The following AGO2 variants were observed in gnomAD, a reference collection of about 807,000 sequenced individuals.
AGO2 encodes the protein argonaute RISC catalytic component 2, also known as protein argonaute-2.
Under a neutral mutation model 102.3 loss-of-function variants are expected in AGO2, and 5 were observed. The observed-to-expected ratio is 0.05, with a 90% CI of 0.03 to 0.10. The LOEUF (loss-of-function observed/expected upper bound fraction) is 0.10, where lower values mean the gene tolerates loss of function less well. Among genes scored for constraint, AGO2 ranks in the 10% least tolerant of loss-of-function variants. The probability of loss-of-function intolerance (pLI) is 1.00; values close to 1 mark genes in which losing one functional copy is unlikely to be tolerated. For missense variants in AGO2, 541 were observed against 1,183.7 expected, an observed-to-expected ratio of 0.46 and a Z score of 7.97; for synonymous variants, 449 against 473.1, an observed-to-expected ratio of 0.95 and a Z score of 0.66.
chr8:140,559,567 T>C (rs2132938826), intron 5 of AGO2, 38 bp from the exon 6 acceptor site: 1 of 1,545,622 alleles, frequency 6.5e-7, no homozygotes, highest in Non-Finnish European at 8.8e-7. Flanking sequence ...TAAGCATGAC[T>C]GTGGGGCTGC....
chr8:140,611,398 A>G (rs2074077240), intron 1 of AGO2, among the ~76,000 whole-genome samples: 1 of 151,742 alleles, frequency 6.6e-6, no homozygotes, highest in Admixed American at 6.6e-5. Context: ...CACGATCTCA[A>G]TTCACTGCAA....
chr8:140,601,595 T>A (rs1419029385), intron 1 of AGO2, among the ~76,000 whole-genome samples: 1 of 152,222 alleles, frequency 6.6e-6, no homozygotes, highest in East Asian at 1.9e-4. Context: ...CATGGCAGTC[T>A]GGGCTGTCTG....
intron 2 of AGO2, among the ~76,000 whole-genome samples, chr8:140,573,699 G>A (rs1018132260): frequency 2.0e-5 from 3 of 152,350 alleles, no homozygotes; most frequent in Non-Finnish European, 2.9e-5. Context: ...AGGCACTGAC[G>A]AGAAGAACAG....
chr8:140,576,299 G>C (rs2073462185), intron 2 of AGO2, among the ~76,000 whole-genome samples: 1 of 152,222 alleles, frequency 6.6e-6, no homozygotes, highest in South Asian at 2.1e-4. Flanking sequence ...GGGCATGACA[G>C]AGTGAGACTC....
chr8:140,607,139 C>G (rs2074008412), intron 1 of AGO2, among the ~76,000 whole-genome samples: 1 of 152,016 alleles, frequency 6.6e-6, no homozygotes, highest in African/African-American at 2.4e-5. Context: ...ACCGCAGCTA[C>G]TCAGGAGGCT....
At chr8:140,534,318 C>T (rs2072656488) in intron 17 of AGO2, among the ~76,000 whole-genome samples, 1 of 152,200 alleles carries the variant, frequency 6.6e-6, no homozygotes, top group African/African-American at 2.4e-5. Context: ...AAGAGTTTGC[C>T]CAGGAAACAT....
At chr8:140,549,395 C>T (rs2072956980) in intron 11 of AGO2, 97 bp from the exon 12 acceptor site, 1 of 1,277,384 alleles carries the variant, frequency 7.8e-7, no homozygotes, top group Admixed American at 2.8e-5. Flanking sequence ...TTTTACAAAG[C>T]CCAAAGCACT....
At position 140,597,474 on chromosome 8, in the gene AGO2, ACCCCCCCC is replaced by A. The variant is rs1163320106; in HGVS notation, c.23-12171_23-12164del. 6.6e-5 allele frequency among the ~76,000 whole-genome samples: 3 copies of A among 45,220 alleles called. No individual in the cohort carries two copies. In the South Asian group the frequency reaches 2.3e-3, roughly 35 times the overall value. The allele number at this position is 45,220 out of a possible 152,430, so 29.7% of individuals were successfully genotyped here. The stretch of plus-strand genomic sequence containing the variant: ...CCGATGGGGGCTGGGTGGCCCCCCC[ACCCCCCCC>A]CCCCCGCCCCAGGCCTCCCTGCCTG... On this transcript the variant is annotated intron_variant, in intron 1 of 18. Coordinates refer to ENST00000220592, the MANE Select transcript of AGO2 (RefSeq NM_012154.5).
intron 1 of AGO2, among the ~76,000 whole-genome samples, chr8:140,597,413 T>C (rs1245893935): frequency 6.7e-6 from 1 of 150,332 alleles, no homozygotes; most frequent in Non-Finnish European, 1.5e-5. Flanking sequence ...CTGACATTAC[T>C]TTCTCTGACT....
At chr8:140,627,720 C>A (rs866814967) in intron 1 of AGO2, among the ~76,000 whole-genome samples, 1 of 152,174 alleles carries the variant, frequency 6.6e-6, no homozygotes, top group African/African-American at 2.4e-5. Flanking sequence ...CAGTAATCAC[C>A]TTCAGAAGTC....
chr8:140,557,368 C>T lies in AGO2; in HGVS notation c.879-132G>A, dbSNP rs949725903. ...TTCAGAGCACTTCCGGGAGTGAAAA[C>T]CATGTCATGTGCTTTGGGTTATCTG... On this transcript the variant is annotated intron_variant, in intron 7 of 18. Transcript: ENST00000220592. The surrounding 1 kb of genome is among the most constrained non-coding windows in gnomAD (Gnocchi z 5.9). The T allele has an allele frequency of 2.4e-5, 27 of 1,133,608 alleles. No homozygotes were observed. The African/African-American group carries it at 3.6e-4, about 15-fold the overall frequency. The allele number at this position is 1,133,608 out of a possible 1,614,324, so 70.2% of individuals were successfully genotyped here.
intron 18 of AGO2, 100 bp from the exon 19 acceptor site, chr8:140,532,252 GGA>G: frequency 7.1e-7 from 1 of 1,408,588 alleles, no homozygotes; most frequent in Admixed American, 1.7e-5. Context: ...CGGGAACCTG[GGA>G]GAGGGAAGAG....
chr8:140,582,640 A>G (rs1184996111), intron 2 of AGO2, among the ~76,000 whole-genome samples: 1 of 152,242 alleles, frequency 6.6e-6, no homozygotes, highest in Admixed American at 6.5e-5. Context: ...AAATTAATTC[A>G]AGATGGATCG....
In AGO2 at chr8:140,523,439, T is replaced by C. The variant is rs769396622; in HGVS notation, c.*8605A>G. The C allele has an allele frequency of 3.1e-4, 47 of 152,260 alleles. No individual in the cohort carries two copies. Among genetic ancestry groups the C allele is most frequent in the Non-Finnish European group, 4.1e-4 (28 of 68,010 alleles). The allele number at this position is 152,260 out of a possible 1,614,324, so 9.4% of individuals were successfully genotyped here. ...TAGAAAAATTGATAAAACTAAGGGTTAAAAGCCCTCAATATGTATTAGGTA... is the reference window on the plus strand; with the variant it reads ...TAGAAAAATTGATAAAACTAAGGGTCAAAAGCCCTCAATATGTATTAGGTA... On this transcript the variant is annotated 3_prime_UTR_variant, in exon 19 of 19. Transcript: ENST00000220592.
At chr8:140,572,227 C>T (rs2073389663) in intron 3 of AGO2, 2 of 152,246 alleles carry the variant, frequency 1.3e-5, no homozygotes, top group Non-Finnish European at 2.9e-5. Flanking sequence ...AATACACCCC[C>T]TCCCTCCGGG....
chr8:140,593,873 C>CA (rs980753832), intron 1 of AGO2, among the ~76,000 whole-genome samples: 1 of 152,156 alleles, frequency 6.6e-6, no homozygotes, highest in Non-Finnish European at 1.5e-5. Flanking sequence ...GCCACCAAGC[C>CA]ACGCTGCCTT....
rs376456560 is a variant in AGO2, at chr8:140,558,428, C to T, written c.878+57G>A. The T allele has an allele frequency of 7.6e-4, 1,183 of 1,547,352 alleles. 2 individuals carry two copies. Among genetic ancestry groups the T allele is most frequent in the Non-Finnish European group, 9.5e-4 (1,059 of 1,119,830 alleles). ...CAGAATCATGGCTCCAGAGTGTGCC[C>T]GTCGGAGTGACAGTGGGGGCCCCAG... On this transcript the variant is annotated intron_variant, in intron 7 of 18. Transcript: ENST00000220592.
Position 140,549,108 on chromosome 8 carries a change from A to G in AGO2, c.1588+6T>C, listed in dbSNP as rs1369176474. On this transcript the variant is annotated splice_donor_region_variant and intron_variant, in intron 12 of 18. Coordinates refer to ENST00000220592, the MANE Select transcript of AGO2 (RefSeq NM_012154.5). ...CCCCACAGCCAGCGGGAGCGCCCACACCTACCGTACACGGGCGTCTTGCCG... is the reference window on the plus strand; with the variant it reads ...CCCCACAGCCAGCGGGAGCGCCCACGCCTACCGTACACGGGCGTCTTGCCG... The G allele has an allele frequency of 6.3e-7, 1 of 1,597,556 alleles. No homozygotes were observed. Among genetic ancestry groups the G allele is most frequent in the African/African-American group, 1.3e-5 (1 of 74,762 alleles).
chr8:140,619,383 G>A (rs896249270), intron 1 of AGO2, among the ~76,000 whole-genome samples: 2 of 152,188 alleles, frequency 1.3e-5, no homozygotes, highest in African/African-American at 4.8e-5. Flanking sequence ...TACACTAGAC[G>A]CAACGACACA....
Sources: allele counts gnomAD v4.1 joint callset (sites outside exome capture counted in the v4.1 genomes callset), GRCh38; gene constraint gnomAD v4.1.1; non-coding constraint Gnocchi (gnomAD v3.1); transcripts MANE v1.5; gene names NCBI Gene and HGNC (gene_info 2026-07-23, HGNC 2026-07-21).